Variants in STK33 observed in about 807,000 individuals in gnomAD.
STK33 encodes serine/threonine-protein kinase 33.
Under a neutral mutation model 58.0 loss-of-function variants are expected in STK33, and 52 were observed. That is an observed-to-expected ratio of 0.90 (90% CI 0.72 to 1.13). STK33 has a LOEUF of 1.13. STK33 is among the 50% of genes most tolerant of loss of function. STK33 has a pLI of 0.00. For missense variants in STK33, 630 were observed against 604.2 expected (o/e 1.04, Z -0.45); for synonymous variants, 215 against 200.1 (o/e 1.07, Z -0.63).
At chr11:8,531,200 C>A (rs1954517439) in intron 1 of STK33, among the ~76,000 whole-genome samples, 1 of 151,700 alleles carries the variant, frequency 6.6e-6, no homozygotes, top group African/African-American at 2.4e-5. Context: ...AATAAATACC[C>A]CCCAACTTCG....
At chr11:8,377,978 C>A in the STK33 span, among the ~76,000 whole-genome samples, 5 of 152,174 alleles carry the variant, frequency 3.3e-5, no homozygotes, top group Admixed American at 6.5e-5. Flanking sequence ...AGAAACACAT[C>A]CCAAGCTCAT....
rs1224175839 is a variant in STK33 at position 8,480,417 on chromosome 11, G to A, written c.-268C>T. On this transcript the variant is annotated 5_prime_UTR_variant, in exon 2 of 16. Coordinates refer to ENST00000687296, the MANE Select transcript of STK33 (RefSeq NM_001352389.2). ...AGTGGCAGTGTTCCTCACCTCCACTGTAGAGATTTCAATATTATAATGGGG... is the reference window on the plus strand; with the variant it reads ...AGTGGCAGTGTTCCTCACCTCCACTATAGAGATTTCAATATTATAATGGGG... 1 of 152,188 alleles carries A rather than the reference G, an allele frequency of 6.6e-6. No individual in the cohort carries two copies. Among genetic ancestry groups the A allele is most frequent in the African/African-American group, 2.4e-5 (1 of 41,428 alleles). 9.4% of individuals were successfully genotyped at this position (152,188 alleles called of 1,614,324 possible).
intron 15 of STK33, among the ~76,000 whole-genome samples, chr11:8,399,731 T>C (rs1850045453): frequency 6.6e-6 from 1 of 151,548 alleles, no homozygotes; most frequent in South Asian, 2.1e-4. Context: ...GCAAGACTAA[T>C]AAAGAAGAAA....
At chr11:8,367,218 C>T in the STK33 span, among the ~76,000 whole-genome samples, 4 of 152,328 alleles carry the variant, frequency 2.6e-5, no homozygotes, top group South Asian at 2.1e-4. Context: ...TATATCTGTG[C>T]GCACTATGCA....
intron 1 of STK33, among the ~76,000 whole-genome samples, chr11:8,528,995 TCATTATCCATTTTTCA>T (rs1156844247): frequency 1.3e-5 from 2 of 152,216 alleles, no homozygotes; most frequent in African/African-American, 4.8e-5. Flanking sequence ...TATAATAGCA[TCATTATCCATTTTTCA>T]GATGAGGAAA....
chr11:8,508,876 G>A (rs1267124825), intron 1 of STK33, among the ~76,000 whole-genome samples: 1 of 152,096 alleles, frequency 6.6e-6, no homozygotes, highest in East Asian at 1.9e-4. Context: ...CAGCACTTTG[G>A]GAGGCCGAGG....
intron 1 of STK33, among the ~76,000 whole-genome samples, chr11:8,536,950 T>TA (rs879045592): frequency 0.011 from 930 of 86,882 alleles, 17 homozygotes; most frequent in African/African-American, 0.021. Context: ...CCCAGCTAAT[T>TA]AAAAAAAAAA....
chr11:8,451,008 TACA>T (rs1462238990), intron 11 of STK33, among the ~76,000 whole-genome samples: 8 of 152,112 alleles, frequency 5.3e-5, no homozygotes, highest in Non-Finnish European at 7.4e-5. Flanking sequence ...TACCACTTCC[TACA>T]ACAAGACACC....
intron 1 of STK33, among the ~76,000 whole-genome samples, chr11:8,508,841 G>A (rs1952077024): frequency 1.3e-5 from 2 of 152,168 alleles, no homozygotes; most frequent in Non-Finnish European, 2.9e-5. Context: ...TCATGGCCGG[G>A]CTCAGTGGCT....
chr11:8,550,104 T>C (rs539701212), intron 1 of STK33, among the ~76,000 whole-genome samples: 3 of 152,348 alleles, frequency 2.0e-5, no homozygotes, highest in South Asian at 4.1e-4. Context: ...AAAAGTTTTA[T>C]ATAACTATGT....
At chr11:8,430,019 G>A (rs929216282) in intron 14 of STK33, among the ~76,000 whole-genome samples, 1 of 152,180 alleles carries the variant, frequency 6.6e-6, no homozygotes, top group Non-Finnish European at 1.5e-5. Context: ...AAGGGTGAGA[G>A]GGACAAAAGA....
the STK33 span, among the ~76,000 whole-genome samples, chr11:8,337,180 G>C: frequency 2.0e-5 from 3 of 152,204 alleles, no homozygotes; most frequent in Non-Finnish European, 2.9e-5. Context: ...GAGAGTTATT[G>C]AGGCACAAGA....
At chr11:8,455,154 A>C (rs1946695247) in intron 9 of STK33, among the ~76,000 whole-genome samples, 1 of 152,180 alleles carries the variant, frequency 6.6e-6, no homozygotes, top group Non-Finnish European at 1.5e-5. Flanking sequence ...AGATCATCTT[A>C]GTCACAAACC....
At chr11:8,405,868 C>A (rs1011949797) in intron 15 of STK33, among the ~76,000 whole-genome samples, 1 of 151,970 alleles carries the variant, frequency 6.6e-6, no homozygotes, top group African/African-American at 2.4e-5. Context: ...CTGGGCCGGG[C>A]GCGGTGGCTC....
chr11:8,369,293 C>CTGTG, the STK33 span, among the ~76,000 whole-genome samples: 3 of 77,316 alleles, frequency 3.9e-5, no homozygotes, highest in South Asian at 2.0e-3. Flanking sequence ...TGGGTTTTTA[C>CTGTG]TCTGTGTGTG....
At chr11:8,501,990 T>C (rs1482496972) in intron 1 of STK33, among the ~76,000 whole-genome samples, 1 of 152,110 alleles carries the variant, frequency 6.6e-6, no homozygotes, top group Non-Finnish European at 1.5e-5. Flanking sequence ...AGGCAAATCA[T>C]AAGAGACAGA....
chr11:8,453,811 A>G (rs1946554799), intron 10 of STK33, among the ~76,000 whole-genome samples: 1 of 152,252 alleles, frequency 6.6e-6, no homozygotes, highest in Admixed American at 6.5e-5. Flanking sequence ...CATTTTTCTA[A>G]ACAGATGAAT....
intron 11 of STK33, among the ~76,000 whole-genome samples, chr11:8,447,833 G>A (rs1945707688): frequency 6.6e-6 from 1 of 152,202 alleles, no homozygotes; most frequent in African/African-American, 2.4e-5. Context: ...ATTAGGAAAA[G>A]AGGAAGTCAA....
chr11:8,545,683 A>C (rs576384369), intron 1 of STK33, among the ~76,000 whole-genome samples: 1 of 152,200 alleles, frequency 6.6e-6, no homozygotes, highest in Non-Finnish European at 1.5e-5. Flanking sequence ...CTTTGGTCTC[A>C]AGAAACATAA....
Sources: allele counts gnomAD v4.1 joint callset (sites outside exome capture counted in the v4.1 genomes callset), GRCh38; gene constraint gnomAD v4.1.1; transcripts MANE v1.5; gene names NCBI Gene and HGNC (gene_info 2026-07-23, HGNC 2026-07-21).